The following VGLL4 variants were observed in gnomAD, a reference collection of about 807,000 sequenced individuals.
VGLL4 encodes the protein transcription cofactor vestigial-like protein 4.
In VGLL4, 7 loss-of-function variants were observed where a neutral mutation model predicts 21.0. That is an observed-to-expected ratio of 0.33 (90% confidence interval 0.19 to 0.63). The LOEUF is 0.63. VGLL4 is among the 20% of genes least tolerant of loss of function. The pLI is 0.78. For synonymous variants in VGLL4, 222 were observed against 173.2 expected, an observed-to-expected ratio of 1.28 and a Z score of -2.21; for missense variants, 394 against 425.7, an observed-to-expected ratio of 0.93 and a Z score of 0.66.
chr3:11,679,093 T>G (rs13090578), intron 2 of VGLL4, among the ~76,000 whole-genome samples: 80,435 of 152,052 alleles, frequency 0.53, 22,346 homozygotes, highest in Non-Finnish European at 0.63. Context: ...TTACTGTACT[T>G]TTTATCACTC....
intron 1 of VGLL4, among the ~76,000 whole-genome samples, chr3:11,620,283 A>G (rs2075240864): frequency 6.6e-6 from 1 of 152,148 alleles, no homozygotes; most frequent in Non-Finnish European, 1.5e-5. Flanking sequence ...CTATGTTTCC[A>G]ACTCCTATAC....
intron 2 of VGLL4, among the ~76,000 whole-genome samples, chr3:11,672,936 C>T (rs2125370164): frequency 6.6e-6 from 1 of 152,218 alleles, no homozygotes; most frequent in African/African-American, 2.4e-5. Flanking sequence ...AAAGAAAGGG[C>T]AGACATCGCA....
At chr3:11,590,177 G>A (rs910947253) in intron 2 of VGLL4, among the ~76,000 whole-genome samples, 1 of 152,176 alleles carries the variant, frequency 6.6e-6, no homozygotes, top group Non-Finnish European at 1.5e-5. Context: ...GAGCAGTGGC[G>A]AGGGGTGTCA....
chr3:11,643,495 C>T lies in VGLL4; in HGVS notation c.24G>A (p.Leu8=). Residue 8 remains leucine (L), a synonymous_variant, in exon 1 of 5, where the codon CTG becomes CTA. Transcript: ENST00000430365. MLFMKMD[L]LNYQYLDKMN... ...TCTTGTCCAAGTACTGATAGTTCAACAGGTCCATCTTCATAAATAGCATTT... is the reference window on the plus strand; with the variant it reads ...TCTTGTCCAAGTACTGATAGTTCAATAGGTCCATCTTCATAAATAGCATTT... 1 of 1,614,012 alleles carries T rather than the reference C, an allele frequency of 6.2e-7. No homozygotes were observed. The highest frequency in any genetic ancestry group is 8.5e-7 in the Non-Finnish European group (1 of 1,179,904).
At chr3:11,703,144 G>A in intron 1 of VGLL4, 1 of 1,014,598 alleles carries the variant, frequency 9.9e-7, no homozygotes. Context: ...TCAACCAAAT[G>A]CAAATCATTC....
intron 1 of VGLL4, among the ~76,000 whole-genome samples, chr3:11,640,683 G>C (rs1194248185): frequency 6.6e-6 from 1 of 152,118 alleles, no homozygotes; most frequent in Admixed American, 6.5e-5. Context: ...TATGGTGGAG[G>C]GCAGGAGCCA....
chr3:11,597,590 A>C (rs1044621669), intron 2 of VGLL4, among the ~76,000 whole-genome samples: 16 of 152,188 alleles, frequency 1.1e-4, no homozygotes, highest in African/African-American at 3.9e-4. Context: ...CCACCAGGTA[A>C]CTACATCCAG....
intron 2 of VGLL4, among the ~76,000 whole-genome samples, chr3:11,583,580 T>C (rs1431943760): frequency 1.3e-5 from 2 of 152,152 alleles, no homozygotes; most frequent in Non-Finnish European, 2.9e-5. Context: ...AAAAGCTCAA[T>C]GTGACAGTGA....
intron 1 of VGLL4, among the ~76,000 whole-genome samples, chr3:11,639,625 C>G (rs897883124): frequency 6.6e-6 from 1 of 152,242 alleles, no homozygotes; most frequent in African/African-American, 2.4e-5. Flanking sequence ...GTAATCCCAG[C>G]ACTTTGGAAG....
chr3:11,671,985 C>T (rs553714784), intron 2 of VGLL4, among the ~76,000 whole-genome samples: 19 of 152,300 alleles, frequency 1.2e-4, no homozygotes, highest in Non-Finnish European at 2.4e-4. Flanking sequence ...AAGCTGTCAA[C>T]GCTCTGCTGC....
chr3:11,687,550 TCCTCCCACTTCAG>T (rs2076468285), intron 2 of VGLL4, among the ~76,000 whole-genome samples: 2 of 152,142 alleles, frequency 1.3e-5, no homozygotes, highest in Non-Finnish European at 2.9e-5. Context: ...CTTCAAGCAA[TCCTCCCACTTCAG>T]CCTCCCACAG....
chr3:11,677,437 T>C (rs2076307664), intron 2 of VGLL4, among the ~76,000 whole-genome samples: 5 of 151,926 alleles, frequency 3.3e-5, no homozygotes, highest in Admixed American at 3.3e-4. Context: ...ACCCAGCTAA[T>C]TTTTTTTGTA....
At chr3:11,638,699 C>T (rs1187193433) in intron 1 of VGLL4, among the ~76,000 whole-genome samples, 4 of 152,150 alleles carry the variant, frequency 2.6e-5, no homozygotes, top group Non-Finnish European at 5.9e-5. Flanking sequence ...GGGCTGGGGA[C>T]CAGGAGAGGG....
At chr3:11,671,232 A>G in intron 2 of VGLL4, 1 of 1,558,904 alleles carries the variant, frequency 6.4e-7, no homozygotes, top group Non-Finnish European at 8.6e-7. Context: ...GTCAATTAAG[A>G]AAATGTGAAA....
chr3:11,591,048 C>T (rs755201628), intron 2 of VGLL4, among the ~76,000 whole-genome samples: 2 of 152,130 alleles, frequency 1.3e-5, no homozygotes, highest in Non-Finnish European at 2.9e-5. Context: ...CGAGGTTAAT[C>T]CTCTAGCTAC....
chr3:11,587,792 T>C (rs2074393802), intron 2 of VGLL4, among the ~76,000 whole-genome samples: 1 of 152,186 alleles, frequency 6.6e-6, no homozygotes, highest in Non-Finnish European at 1.5e-5. Context: ...TGGAGCCAGA[T>C]GCATAAGCAA....
intron 2 of VGLL4, among the ~76,000 whole-genome samples, chr3:11,654,760 A>G (rs1429197099): frequency 6.6e-6 from 1 of 152,206 alleles, no homozygotes; most frequent in Admixed American, 6.6e-5. Flanking sequence ...AACAGTTAAC[A>G]TGTCCTGGAT....
chr3:11,669,642 A>G (rs930980907), intron 2 of VGLL4, among the ~76,000 whole-genome samples: 1 of 152,146 alleles, frequency 6.6e-6, no homozygotes, highest in African/African-American at 2.4e-5. Flanking sequence ...GCCTCACTGT[A>G]ATATTTTTAT....
chr3:11,635,785 G>T (rs2075574898), intron 1 of VGLL4, among the ~76,000 whole-genome samples: 1 of 152,216 alleles, frequency 6.6e-6, no homozygotes, highest in African/African-American at 2.4e-5. Context: ...TGCACATAAG[G>T]TTTATACTGA....
Sources: gnomAD v4.1 joint callset for allele counts (sites outside exome capture counted in the v4.1 genomes callset) on GRCh38, gnomAD v4.1.1 for gene constraint, MANE v1.5 for transcripts, NCBI Gene and HGNC (gene_info 2026-07-23, HGNC 2026-07-21) for gene names.